The following RASAL1 variants were observed in gnomAD, a reference collection of about 807,000 sequenced individuals.
RASAL1 encodes the protein RAS protein activator like 1, also known as rasGAP-activating-like protein 1.
RASAL1 carries 72 observed loss-of-function variants against 96.6 expected under a neutral mutation model. The observed-to-expected ratio is 0.75, with a 90% CI of 0.62 to 0.91. The LOEUF (loss-of-function observed/expected upper bound fraction) is 0.91, where lower values mean the gene tolerates loss of function less well. RASAL1 is among the 40% of genes least tolerant of loss of function. The pLI is 0.00. For missense variants in RASAL1, 1,016 were observed against 1,072.5 expected (o/e 0.95, Z 0.74); for synonymous variants, 405 against 430.4 (o/e 0.94, Z 0.73).
At chr12:113,122,909 C>T (rs568755568) in intron 4 of RASAL1, among the ~76,000 whole-genome samples, 1 of 152,290 alleles carries the variant, frequency 6.6e-6, no homozygotes, top group East Asian at 1.9e-4. Flanking sequence ...CAGTTATTTT[C>T]CATGTCTCTG....
intron 13 of RASAL1, among the ~76,000 whole-genome samples, chr12:113,108,957 C>T (rs887198538): frequency 1.3e-5 from 2 of 151,722 alleles, no homozygotes; most frequent in Non-Finnish European, 2.9e-5. Flanking sequence ...GCCTCAGCCT[C>T]CCAAGTAGCT....
chr12:113,104,149 G>C lies in RASAL1; in HGVS notation c.1968+12C>G. The stretch of plus-strand genomic sequence containing the variant: ...GGGACGCCCCCCGCTCCCCATCGCG[G>C]TGGGGTCTCACCTTGCACTGGAGGT... On this transcript the variant is annotated intron_variant, in intron 17 of 20. Transcript: ENST00000548055. 1 of 1,598,124 alleles carries C rather than the reference G, an allele frequency of 6.3e-7. No homozygotes were observed. The highest frequency in any genetic ancestry group is 8.6e-7 in the Non-Finnish European group (1 of 1,167,870).
intron 12 of RASAL1, among the ~76,000 whole-genome samples, chr12:113,112,908 C>T (rs1950922963): frequency 6.6e-6 from 1 of 151,970 alleles, no homozygotes; most frequent in Non-Finnish European, 1.5e-5. Flanking sequence ...GTCGAGATCG[C>T]ACCACTGCAC....
chr12:113,103,286 C>T (rs936953603), intron 18 of RASAL1, among the ~76,000 whole-genome samples: 4 of 150,664 alleles, frequency 2.7e-5, no homozygotes, highest in African/African-American at 7.3e-5. Flanking sequence ...ATTGTATATA[C>T]ATTGTTAATA....
intron 20 of RASAL1, among the ~76,000 whole-genome samples, 198 bp from the exon 21 acceptor site, chr12:113,100,266 T>C (rs759942698): frequency 3.9e-5 from 6 of 152,116 alleles, no homozygotes; most frequent in Non-Finnish European, 7.4e-5. Context: ...GGGAAGTGCC[T>C]GCGAAGAAAA....
In RASAL1 at chr12:113,107,333, A is replaced by G. The variant is rs1313760072; in HGVS notation, c.1513-92T>C. On this transcript the variant is annotated intron_variant, in intron 14 of 20. Coordinates refer to ENST00000548055, the MANE Select transcript of RASAL1 (RefSeq NM_001301202.2). ...CCAAATCAGTGCTCAATAAAAGAAG[A>G]CTCATATTGCCGGGCACAGTGGCTC... The G allele has an allele frequency of 2.9e-6, 4 of 1,401,752 alleles. No individual in the cohort carries two copies. In the African/African-American group the frequency reaches 4.4e-5, roughly 15 times the overall value. The allele number at this position is 1,401,752 out of a possible 1,614,324, so 86.8% of individuals were successfully genotyped here.
chr12:113,102,986 T>C, intron 18 of RASAL1: 1 of 225,712 alleles, frequency 4.4e-6, no homozygotes, highest in South Asian at 4.8e-5. Flanking sequence ...TCTGCTCTAC[T>C]CAGGTCACAT....
Position 113,127,388 on chromosome 12 carries a change from G to T in RASAL1, c.298+424C>A, listed in dbSNP as rs530130807. ...AGGCTGGGCATAGTGGCTCACACTT[G>T]TACTCCCAACACTTTGGGAGGCCAA... is the stretch of plus-strand genomic sequence containing the variant. On this transcript the variant is annotated intron_variant, in intron 4 of 20. Coordinates refer to ENST00000548055, the MANE Select transcript of RASAL1 (RefSeq NM_001301202.2). Among the ~76,000 whole-genome samples, 10 of 152,302 alleles carry T rather than the reference G, an allele frequency of 6.6e-5. No individual in the cohort carries two copies. The South Asian group carries it at 2.1e-3, about 32-fold the overall frequency.
intron 13 of RASAL1, 50 bp from the exon 14 acceptor site, chr12:113,108,272 G>A: frequency 6.4e-7 from 1 of 1,563,092 alleles, no homozygotes; most frequent in Non-Finnish European, 8.6e-7. Context: ...CCACTTCTCA[G>A]CTGCGTAAAC....
At chr12:113,118,428 T>C (rs887907975) in intron 7 of RASAL1, among the ~76,000 whole-genome samples, 1 of 152,184 alleles carries the variant, frequency 6.6e-6, no homozygotes, top group Non-Finnish European at 1.5e-5. Flanking sequence ...TGAGTTTTTT[T>C]CCATTTTGGG....
chr12:113,136,257 C>T (rs1165342287), upstream of RASAL1: 1 of 152,196 alleles, frequency 6.6e-6, no homozygotes, highest in Non-Finnish European at 1.5e-5. Context: ...AGACTCTGCT[C>T]TAACGTCACG....
intron 7 of RASAL1, among the ~76,000 whole-genome samples, chr12:113,117,963 C>T (rs994053981): frequency 1.3e-5 from 2 of 152,144 alleles, no homozygotes; most frequent in Admixed American, 1.3e-4. Context: ...GTAGCTCATG[C>T]CTGTAATCCC....
rs1951086061 is a variant in RASAL1 at position 113,116,374 on chromosome 12, G to A, written c.732-323C>T. Among the ~76,000 whole-genome samples, 3 of 151,910 alleles carry A rather than the reference G, an allele frequency of 2.0e-5. No homozygotes were observed. In the South Asian group the frequency reaches 6.2e-4, roughly 32 times the overall value. ...TACTCTGTCTAAAAAAAAAAAGAAA[G>A]AAGGAAAAGAAAATGAAAGATGCCC... On this transcript the variant is annotated intron_variant, in intron 8 of 20. Coordinates refer to ENST00000548055, the MANE Select transcript of RASAL1 (RefSeq NM_001301202.2).
At chr12:113,112,360 G>C in intron 12 of RASAL1, 82 bp from the exon 13 acceptor site, 4 of 1,114,990 alleles carry the variant, frequency 3.6e-6, no homozygotes, top group Non-Finnish European at 4.6e-6. Flanking sequence ...GCTGAGCTCC[G>C]AGAGGACTCA....
In RASAL1 at chr12:113,115,205, T is replaced by TA; in HGVS notation, c.1062dup (p.Met355TyrfsTer18). ...GCAGGCCTTCACCTACTCACCTTCA[T>TA]AAACTGTTCCATCGACTTGGATGCC... On this transcript the variant is annotated frameshift_variant, in exon 11 of 21. Coordinates refer to ENST00000548055, the MANE Select transcript of RASAL1 (RefSeq NM_001301202.2). LOFTEE classifies it high-confidence loss of function. This position sits in a 1 kb window ranked among gnomAD's most constrained non-coding sequence, Gnocchi z 4.1. 6.2e-7 allele frequency: 1 copy of TA among 1,613,372 alleles called. No individual in the cohort carries two copies. The highest frequency in any genetic ancestry group is 8.5e-7 in the Non-Finnish European group (1 of 1,179,304).
intron 16 of RASAL1, among the ~76,000 whole-genome samples, chr12:113,105,480 G>A (rs912224476): frequency 2.6e-5 from 4 of 152,220 alleles, no homozygotes; most frequent in East Asian, 1.9e-4. Context: ...GCGTATCCCC[G>A]CCACCGCATG....
At position 113,127,805 on chromosome 12, in the gene RASAL1, C is replaced by T. The variant is rs368956948; in HGVS notation, c.298+7G>A. The T allele has an allele frequency of 4.0e-5, 65 of 1,609,412 alleles. No homozygotes were observed. The highest frequency in any genetic ancestry group is 3.9e-4 in the African/African-American group (29 of 74,878). On this transcript the variant is annotated splice_region_variant and intron_variant, in intron 4 of 20. Coordinates refer to ENST00000548055, the MANE Select transcript of RASAL1 (RefSeq NM_001301202.2). ...CCCTCCTCCCTCTGCCCATGTCCCT[C>T]GCCCACCTCGGGGGTCGGCTGTAAT...
Position 113,135,059 on chromosome 12 carries a change from C to T in RASAL1, c.65+339G>A, listed in dbSNP as rs559148173. Among the ~76,000 whole-genome samples the T allele has an allele frequency of 6.6e-6, 1 of 151,732 alleles. No individual in the cohort carries two copies. Among genetic ancestry groups the T allele is most frequent in the Non-Finnish European group, 1.5e-5 (1 of 67,928 alleles). Reference sequence around the variant, plus strand: ...ACATCTGCCTGGACTAAGGAAGAGACCCCCCGCTTTCTCCCCTCCCAGATC... The same window carrying T: ...ACATCTGCCTGGACTAAGGAAGAGATCCCCCGCTTTCTCCCCTCCCAGATC... On this transcript the variant is annotated intron_variant, in intron 1 of 20. Coordinates refer to ENST00000548055, the MANE Select transcript of RASAL1 (RefSeq NM_001301202.2). The surrounding 1 kb of genome is among the most constrained non-coding windows in gnomAD (Gnocchi z 5.7).
chr12:113,100,022 G>C lies in RASAL1; in HGVS notation c.2325C>G (p.Arg775=), dbSNP rs1950384680. Residue 775 remains arginine (R), a synonymous_variant, in exon 21 of 21, where the codon CGC becomes CGG. Transcript: ENST00000548055. Reference sequence around the variant, plus strand: ...CCAGGTCTGCGAGCACCTCCAGCAGGCGGGCAGTTGCTGCTCTTTGCCGGG... The same window carrying C: ...CCAGGTCTGCGAGCACCTCCAGCAGCCGGGCAGTTGCTGCTCTTTGCCGGG... The part of the protein sequence containing the change: ...VLARQRAATA[R]LLEVLADLDR... 1 of 1,613,394 alleles carries C rather than the reference G, an allele frequency of 6.2e-7. No individual in the cohort carries two copies.
Sources: gnomAD v4.1 joint callset for allele counts (sites outside exome capture counted in the v4.1 genomes callset) on GRCh38, gnomAD v4.1.1 for gene constraint, Gnocchi (gnomAD v3.1) non-coding constraint, MANE v1.5 for transcripts, NCBI Gene and HGNC (gene_info 2026-07-23, HGNC 2026-07-21) for gene names.